Variants in LIN54 observed in about 807,000 individuals in gnomAD.
LIN54 encodes protein lin-54 homolog.
LIN54 carries 9 observed loss-of-function variants against 78.7 expected under a neutral mutation model. The observed-to-expected ratio is 0.11, with a 90% CI of 0.07 to 0.20. The LOEUF (loss-of-function observed/expected upper bound fraction) is 0.20, where lower values mean the gene tolerates loss of function less well. Among genes scored for constraint, LIN54 ranks in the 10% least tolerant of loss-of-function variants. The probability of loss-of-function intolerance (pLI) is 1.00; values close to 1 mark genes in which losing one functional copy is unlikely to be tolerated. For missense variants in LIN54, 573 were observed against 889.9 expected (o/e 0.64, Z 4.53); for synonymous variants, 269 against 318.4 (o/e 0.84, Z 1.65).
At chr4:82,988,700 C>T (rs769103728) in intron 1 of LIN54, among the ~76,000 whole-genome samples, 8 of 152,150 alleles carry the variant, frequency 5.3e-5, no homozygotes, top group Non-Finnish European at 8.8e-5. Flanking sequence ...CACAGCCTCA[C>T]CAACAATTGG....
intron 1 of LIN54, among the ~76,000 whole-genome samples, chr4:82,992,502 C>T (rs1331016727): frequency 2.6e-5 from 4 of 152,052 alleles, no homozygotes; most frequent in Non-Finnish European, 5.9e-5. Context: ...TATCAAGACC[C>T]CATCTCAACA....
At chr4:82,991,278 C>A (rs1476680540) in intron 1 of LIN54, among the ~76,000 whole-genome samples, 6 of 151,392 alleles carry the variant, frequency 4.0e-5, no homozygotes, top group Non-Finnish European at 5.9e-5. Context: ...TAAATTTATC[C>A]TTAAGTATTT....
At chr4:82,998,913 A>G (rs1360559936) in intron 1 of LIN54, among the ~76,000 whole-genome samples, 1 of 152,226 alleles carries the variant, frequency 6.6e-6, no homozygotes, top group Non-Finnish European at 1.5e-5. Flanking sequence ...ACAATGTATA[A>G]AAACTTATCC....
rs58344267 is a variant in LIN54 at position 82,997,994 on chromosome 4, CAAAAA to C, written c.-33+12485_-33+12489del. ...GGGCAAGAAGAGTGAAACTCCATCT[CAAAAA>C]AAAAAAATAATAATATATATATAAT... On this transcript the variant is annotated intron_variant, in intron 1 of 12. Coordinates refer to ENST00000340417, the MANE Select transcript of LIN54 (RefSeq NM_194282.4). 2.3e-3 allele frequency among the ~76,000 whole-genome samples: 243 copies of C among 105,246 alleles called. 4 individuals carry two copies. The highest frequency in any genetic ancestry group is 4.4e-3 in the Non-Finnish European group (194 of 44,568). The allele number at this position is 105,246 out of a possible 152,430, so 69.0% of individuals were successfully genotyped here. A position where few individuals can be genotyped will look rare whatever the true frequency, so the allele number is the denominator to read the frequency against.
At chr4:82,979,856 G>A (rs900619158) in intron 2 of LIN54, among the ~76,000 whole-genome samples, 2 of 146,844 alleles carry the variant, frequency 1.4e-5, no homozygotes, top group African/African-American at 5.0e-5. Flanking sequence ...AGAATTGCTT[G>A]AACCCGGGAG....
chr4:82,936,231 G>A (rs371132113), intron 10 of LIN54, 48 bp downstream of exon 10: 3 of 1,515,768 alleles, frequency 2.0e-6, no homozygotes, highest in Non-Finnish European at 2.7e-6. Context: ...TTATAAAACT[G>A]ATGAAACTGG....
At chr4:82,999,652 C>A (rs1188527428) in intron 1 of LIN54, among the ~76,000 whole-genome samples, 1 of 151,732 alleles carries the variant, frequency 6.6e-6, no homozygotes, top group South Asian at 2.1e-4. Flanking sequence ...GTGGTACACG[C>A]CTGTGGTCCC....
intron 5 of LIN54, among the ~76,000 whole-genome samples, chr4:82,945,686 G>C (rs1372847397): frequency 6.6e-6 from 1 of 151,914 alleles, no homozygotes; most frequent in African/African-American, 2.4e-5. Context: ...TTGAGACAGG[G>C]TTTCACCATA....
chr4:82,985,952 G>A (rs11099563), intron 1 of LIN54, among the ~76,000 whole-genome samples: 40,568 of 151,980 alleles, frequency 0.27, 5,739 homozygotes, highest in East Asian at 0.5. Flanking sequence ...TTTGAGCTGT[G>A]GTACTTTTAG....
intron 1 of LIN54, among the ~76,000 whole-genome samples, chr4:83,004,515 G>C (rs1729159843): frequency 6.9e-6 from 1 of 144,132 alleles, no homozygotes; most frequent in African/African-American, 2.4e-5. Flanking sequence ...TTTTGAGATA[G>C]TGTCTTGCTC....
chr4:82,962,604 G>A (rs1724888385), intron 4 of LIN54, among the ~76,000 whole-genome samples: 1 of 151,608 alleles, frequency 6.6e-6, no homozygotes, highest in Non-Finnish European at 1.5e-5. Context: ...GGAACTCTAA[G>A]AGTCAAATGG....
intron 12 of LIN54, among the ~76,000 whole-genome samples, chr4:82,930,645 G>A (rs1032538165): frequency 1.3e-5 from 2 of 152,176 alleles, no homozygotes; most frequent in Non-Finnish European, 2.9e-5. Flanking sequence ...CACGTTCAGC[G>A]AGACATATGA....
chr4:82,986,200 C>T (rs1727120067), intron 1 of LIN54, among the ~76,000 whole-genome samples: 1 of 151,988 alleles, frequency 6.6e-6, no homozygotes, highest in South Asian at 2.1e-4. Context: ...ACCGCAACCT[C>T]CACCTCCCAG....
At chr4:82,948,852 G>T (rs1456836201) in intron 4 of LIN54, among the ~76,000 whole-genome samples, 2 of 152,076 alleles carry the variant, frequency 1.3e-5, no homozygotes, top group East Asian at 3.8e-4. Flanking sequence ...CAAATGGCAG[G>T]ATCTTATTTT....
intron 2 of LIN54, among the ~76,000 whole-genome samples, chr4:82,981,267 A>G (rs1726609152): frequency 6.6e-6 from 1 of 152,202 alleles, no homozygotes; most frequent in East Asian, 1.9e-4. Flanking sequence ...ACTGCTAGTT[A>G]TGTACTACTC....
At position 83,010,637 on chromosome 4, in the gene LIN54, C is replaced by G; in HGVS notation, c.-186G>C. 5 of 1,231,162 alleles carry G rather than the reference C, an allele frequency of 4.1e-6. No individual in the cohort carries two copies. Among genetic ancestry groups the G allele is most frequent in the Non-Finnish European group, 5.1e-6 (5 of 987,400 alleles). The allele number at this position is 1,231,162 out of a possible 1,614,324, so 76.3% of individuals were successfully genotyped here. A position where few individuals can be genotyped will look rare whatever the true frequency, so the allele number is the denominator to read the frequency against. On this transcript the variant is annotated 5_prime_UTR_variant, in exon 1 of 13. Transcript: ENST00000340417. ...CCCAGTTTGTCCAAACTGGAGCGCT[C>G]CAGGGTACCCGGGGACCGAGAAGGG...
intron 10 of LIN54, 50 bp downstream of exon 10, chr4:82,936,229 C>A: frequency 6.6e-7 from 1 of 1,524,564 alleles, no homozygotes; most frequent in Non-Finnish European, 9.0e-7. Context: ...TTTTATAAAA[C>A]TGATGAAACT....
chr4:82,994,915 T>C (rs558957980), intron 1 of LIN54, among the ~76,000 whole-genome samples: 16 of 152,054 alleles, frequency 1.1e-4, no homozygotes, highest in Non-Finnish European at 2.1e-4. Context: ...CATACGTTTT[T>C]ACCTGTCCTG....
chr4:82,995,355 AT>A (rs200236367), intron 1 of LIN54, among the ~76,000 whole-genome samples: 10 of 151,010 alleles, frequency 6.6e-5, no homozygotes, highest in Admixed American at 2.6e-4. Context: ...TTTAAATTTA[AT>A]TTTTTTTTAA....
Sources: allele counts gnomAD v4.1 joint callset (sites outside exome capture counted in the v4.1 genomes callset), GRCh38; gene constraint gnomAD v4.1.1; transcripts MANE v1.5; gene names NCBI Gene and HGNC (gene_info 2026-07-23, HGNC 2026-07-21).